The following LPP variants were observed in gnomAD, a reference collection of about 807,000 sequenced individuals.
The protein encoded by LPP is LIM domain containing preferred translocation partner in lipoma.
A neutral mutation model predicts 60.4 loss-of-function variants in LPP; 38 were observed. That is an observed-to-expected ratio of 0.63 (90% CI 0.49 to 0.83). The LOEUF (loss-of-function observed/expected upper bound fraction) is 0.83, where lower values mean the gene tolerates loss of function less well. LPP is among the 40% of genes least tolerant of loss of function. LPP has a pLI of 0.00. For missense variants in LPP, 902 were observed against 783.6 expected, an observed-to-expected ratio of 1.15 and a Z score of -1.80; for synonymous variants, 328 against 290.8, an observed-to-expected ratio of 1.13 and a Z score of -1.30.
chr3:188,355,519 A>G (rs939414091), intron 3 of LPP, among the ~76,000 whole-genome samples: 13 of 152,176 alleles, frequency 8.5e-5, no homozygotes, highest in African/African-American at 3.1e-4. Flanking sequence ...GTACTTCAGC[A>G]GTAAAATAGC....
chr3:188,457,827 T>C (rs555765466), intron 4 of LPP, among the ~76,000 whole-genome samples: 1 of 151,880 alleles, frequency 6.6e-6, no homozygotes, highest in South Asian at 2.1e-4. Flanking sequence ...GAGAATCGCT[T>C]GAACCCAGGA....
chr3:188,512,605 C>A (rs1816124986), intron 5 of LPP, among the ~76,000 whole-genome samples: 1 of 135,740 alleles, frequency 7.4e-6, no homozygotes, highest in Non-Finnish European at 1.6e-5. Context: ...AGTTCCCACC[C>A]TCTGTACGTT....
intron 2 of LPP, among the ~76,000 whole-genome samples, chr3:188,250,784 T>C (rs6776899): frequency 8.6e-6 from 1 of 116,850 alleles, no homozygotes; most frequent in South Asian, 3.0e-4. Flanking sequence ...CTTTCTTTCT[T>C]TCTGTCTTTC....
intron 2 of LPP, among the ~76,000 whole-genome samples, chr3:188,304,291 A>T (rs1577975459): frequency 6.6e-6 from 1 of 152,280 alleles, no homozygotes; most frequent in South Asian, 2.1e-4. Context: ...TTGTAGACTA[A>T]GATCACTGGA....
chr3:188,223,006 C>A (rs1716378099), intron 1 of LPP, among the ~76,000 whole-genome samples: 1 of 152,146 alleles, frequency 6.6e-6, no homozygotes, highest in Non-Finnish European at 1.5e-5. Context: ...GAAGAGGTGG[C>A]AGGGAGCTGG....
chr3:188,488,355 A>G (rs1807233004), intron 5 of LPP, among the ~76,000 whole-genome samples: 1 of 151,560 alleles, frequency 6.6e-6, no homozygotes, highest in East Asian at 1.9e-4. Context: ...TCTTGGTTTA[A>G]CAGTTCTCAT....
intron 2 of LPP, among the ~76,000 whole-genome samples, chr3:188,329,896 GT>G (rs945028156): frequency 2.6e-5 from 4 of 152,110 alleles, no homozygotes; most frequent in African/African-American, 9.7e-5. Context: ...CTAAATTAAA[GT>G]TGTTAAAAGT....
At chr3:188,698,821 G>A (rs1036899952) in intron 7 of LPP, among the ~76,000 whole-genome samples, 5 of 152,158 alleles carry the variant, frequency 3.3e-5, no homozygotes, top group Admixed American at 2.6e-4. Context: ...CAAGGCATAC[G>A]TTCACCAAAT....
intron 5 of LPP, among the ~76,000 whole-genome samples, chr3:188,506,332 A>G (rs1813446060): frequency 1.3e-5 from 2 of 152,220 alleles, no homozygotes; most frequent in Admixed American, 6.5e-5. Context: ...TAGAGTATCC[A>G]ACAACTGCTG....
chr3:188,270,840 C>G (rs1197185738), intron 2 of LPP, among the ~76,000 whole-genome samples: 1 of 152,188 alleles, frequency 6.6e-6, no homozygotes, highest in Non-Finnish European at 1.5e-5. Context: ...TAAGTCAATG[C>G]TGGCATGGGG....
chr3:188,405,971 C>T, intron 3 of LPP, 141 bp from the exon 4 acceptor site: 1 of 634,366 alleles, frequency 1.6e-6, no homozygotes, highest in South Asian at 2.7e-5. Flanking sequence ...ATTTTTCTTT[C>T]TTCCATTTTC....
intron 8 of LPP, among the ~76,000 whole-genome samples, chr3:188,741,556 T>C (rs1045797776): frequency 1.3e-5 from 2 of 150,400 alleles, no homozygotes; most frequent in African/African-American, 4.9e-5. Flanking sequence ...ATGGTATATC[T>C]CTCCCTTTAC....
rs1212717676 is a variant in LPP, at chr3:188,308,197, A to C, written c.-66-33466A>C. ...TCATTCTGCCCCCAACATTTACAGA[A>C]GCAGTTTCTCGGTTTTATTTATCCA... On this transcript the variant is annotated intron_variant, in intron 2 of 11. Transcript: ENST00000617246. Among the ~76,000 whole-genome samples, 3 of 152,144 alleles carry C rather than the reference A, an allele frequency of 2.0e-5. No individual in the cohort carries two copies. The East Asian group carries it at 5.8e-4, about 29-fold the overall frequency.
At chr3:188,427,497 G>T (rs893634271) in intron 4 of LPP, among the ~76,000 whole-genome samples, 2 of 151,974 alleles carry the variant, frequency 1.3e-5, no homozygotes, top group Non-Finnish European at 2.9e-5. Context: ...TGTATCTTGG[G>T]GTTGCTCTTC....
At chr3:188,378,356 G>C (rs887565680) in intron 3 of LPP, among the ~76,000 whole-genome samples, 1 of 152,300 alleles carries the variant, frequency 6.6e-6, no homozygotes, top group East Asian at 1.9e-4. Flanking sequence ...GGGCTCCACC[G>C]AGTTCAAGCT....
At chr3:188,868,531 T>C (rs1262611781) in intron 10 of LPP, among the ~76,000 whole-genome samples, 1 of 152,238 alleles carries the variant, frequency 6.6e-6, no homozygotes, top group Non-Finnish European at 1.5e-5. Flanking sequence ...TAATGTTGTC[T>C]TCATGATTGG....
intron 2 of LPP, among the ~76,000 whole-genome samples, chr3:188,236,583 C>T (rs544958597): frequency 1.2e-4 from 19 of 152,062 alleles, no homozygotes; most frequent in Non-Finnish European, 1.9e-4. Context: ...AGACCACCAC[C>T]GCAATAAAAC....
chr3:188,786,821 C>T (rs902524771), intron 9 of LPP, among the ~76,000 whole-genome samples: 3 of 152,094 alleles, frequency 2.0e-5, no homozygotes, highest in African/African-American at 4.8e-5. Context: ...GTGGGAAGGG[C>T]CAACCCCCAA....
chr3:188,495,345 A>G (rs1281323913), intron 5 of LPP, among the ~76,000 whole-genome samples: 1 of 151,008 alleles, frequency 6.6e-6, no homozygotes, highest in Non-Finnish European at 1.5e-5. Context: ...TTGTAATTTC[A>G]TGGTGATTTA....
Sources: gnomAD v4.1 joint callset for allele counts (sites outside exome capture counted in the v4.1 genomes callset) on GRCh38, gnomAD v4.1.1 for gene constraint, MANE v1.5 for transcripts, NCBI Gene and HGNC (gene_info 2026-07-23, HGNC 2026-07-21) for gene names.